The following PARL variants were observed in gnomAD, a reference collection of about 807,000 sequenced individuals.
PARL encodes presenilin-associated rhomboid-like protein, mitochondrial.
In PARL, 44 loss-of-function variants were observed where a neutral mutation model predicts 51.6. The ratio of observed to expected loss-of-function variants is 0.85; its 90% CI spans 0.67 to 1.10. The LOEUF (loss-of-function observed/expected upper bound fraction) is 1.10. PARL is among the 50% of genes least tolerant of loss of function. PARL has a pLI of 0.00. For missense variants in PARL, 441 were observed against 469.5 expected (o/e 0.94, Z 0.56); for synonymous variants, 172 against 164.0 (o/e 1.05, Z -0.37).
intron 3 of PARL, among the ~76,000 whole-genome samples, chr3:183,864,514 T>C (rs554294669): frequency 2.0e-5 from 3 of 152,212 alleles, no homozygotes; most frequent in Non-Finnish European, 2.9e-5. Flanking sequence ...CGGTGGCTCA[T>C]GCCTGTAATC....
chr3:183,836,035 T>C (rs906081462), intron 7 of PARL, among the ~76,000 whole-genome samples: 4 of 151,102 alleles, frequency 2.6e-5, no homozygotes, highest in Non-Finnish European at 4.4e-5. Flanking sequence ...CTGACCAACA[T>C]GAAGAAACCC....
At chr3:183,858,088 A>G (rs919173279) in intron 4 of PARL, among the ~76,000 whole-genome samples, 1 of 152,202 alleles carries the variant, frequency 6.6e-6, no homozygotes, top group African/African-American at 2.4e-5. Context: ...ATAGCATGAT[A>G]CTTGAAGTGT....
At chr3:183,865,566 C>T (rs529293495) in intron 3 of PARL, among the ~76,000 whole-genome samples, 1 of 152,192 alleles carries the variant, frequency 6.6e-6, no homozygotes, top group African/African-American at 2.4e-5. Context: ...CTGTGAGATG[C>T]ACATGTGAGG....
At chr3:183,879,646 T>C (rs79156051) in intron 1 of PARL, 6,546 of 564,692 alleles carry the variant, frequency 0.012, 339 homozygotes, top group African/African-American at 0.11. Flanking sequence ...AGGATGCTTT[T>C]AGATGTAGTA....
chr3:183,855,114 C>T (rs949253422), intron 4 of PARL, among the ~76,000 whole-genome samples: 1 of 151,660 alleles, frequency 6.6e-6, no homozygotes, highest in East Asian at 1.9e-4. Context: ...CTAGAGAAAG[C>T]AGGTTGATGG....
intron 5 of PARL, 47 bp from the exon 6 acceptor site, chr3:183,842,494 A>T (rs1235619240): frequency 6.3e-7 from 1 of 1,582,694 alleles, no homozygotes; most frequent in Admixed American, 1.7e-5. Flanking sequence ...ACACACAGCC[A>T]ATAAAAATTA....
chr3:183,865,311 G>GA (rs937638333), intron 3 of PARL, among the ~76,000 whole-genome samples: 12 of 150,978 alleles, frequency 7.9e-5, no homozygotes, highest in Non-Finnish European at 1.6e-4. Context: ...CTGTCTCTTA[G>GA]AAAAAAAAAT....
At chr3:183,832,667 G>T (rs192297917) in intron 9 of PARL, among the ~76,000 whole-genome samples, 3 of 152,300 alleles carry the variant, frequency 2.0e-5, no homozygotes, top group Non-Finnish European at 4.4e-5. Context: ...GGTCTCCCAC[G>T]ATCAGATGGA....
rs770161690 is a variant in PARL at position 183,868,043 on chromosome 3, T to A, written c.143A>T (p.Gln48Leu). The change falls in exon 2 of 10, where the codon CAA (glutamine) becomes CTA (leucine). Residue 48 changes from glutamine (Q) to leucine (L), a missense_variant. By Grantham distance (113) the Gln-to-Leu change is moderately radical. Transcript: ENST00000317096. The stretch of plus-strand genomic sequence containing the variant: ...TGCTTTTCTGAATCCGCATTTTTGT[T>A]GAATAAAGAAGTTAAACCTATGGGG... Reference protein sequence around the residue: ...LLGRRFNFFIQQKCGFRKAPR... With the variant: ...LLGRRFNFFILQKCGFRKAPR... 10 of 1,613,944 alleles carry A rather than the reference T, an allele frequency of 6.2e-6. No individual in the cohort carries two copies. The highest frequency in any genetic ancestry group is 8.5e-6 in the Non-Finnish European group (10 of 1,179,944).
chr3:183,857,957 C>A (rs1192131621), intron 4 of PARL, among the ~76,000 whole-genome samples: 1 of 152,148 alleles, frequency 6.6e-6, no homozygotes, highest in Non-Finnish European at 1.5e-5. Flanking sequence ...ATTTGATTCC[C>A]GAATCCACCC....
chr3:183,868,396 T>C (rs1357887094), intron 1 of PARL, among the ~76,000 whole-genome samples: 1 of 152,174 alleles, frequency 6.6e-6, no homozygotes, highest in Non-Finnish European at 1.5e-5. Context: ...CGTTTCTTTT[T>C]TTTTTTTTGA....
chr3:183,866,655 T>A lies in PARL; in HGVS notation c.432A>T (p.Arg144Ser). ...GIKADWLDSI[R>S]PQKEGDFRKE... is the part of the protein sequence containing the mutation. ...TTCTGAAGTCTCCTTCTTTTTGTGG[T>A]CTTATGCTATCCAACCAATCAGCTT... The change falls in exon 3 of 10, where the codon AGA becomes AGT. Residue 144 changes from arginine (R) to serine (S), a missense_variant. Coordinates refer to ENST00000317096, the MANE Select transcript of PARL (RefSeq NM_018622.7). The A allele has an allele frequency of 6.2e-7, 1 of 1,611,904 alleles. No individual in the cohort carries two copies. The highest frequency in any genetic ancestry group is 8.5e-7 in the Non-Finnish European group (1 of 1,179,442).
At chr3:183,866,503 C>T in intron 3 of PARL, 122 bp downstream of exon 3, 4 of 811,404 alleles carry the variant, frequency 4.9e-6, no homozygotes, top group Non-Finnish European at 8.5e-6. Context: ...TTCAGTTCCT[C>T]AGATTTCATT....
At chr3:183,828,913 C>T (rs531077022), downstream of PARL, among the ~76,000 whole-genome samples, 5 of 152,270 alleles carry the variant, frequency 3.3e-5, no homozygotes, top group East Asian at 1.9e-4. Flanking sequence ...GCTGTGACGA[C>T]GACAGCCACT....
At chr3:183,858,938 A>G (rs1284124599) in intron 4 of PARL, among the ~76,000 whole-genome samples, 1 of 152,194 alleles carries the variant, frequency 6.6e-6, no homozygotes, top group Admixed American at 6.5e-5. Context: ...AAACCAAAAA[A>G]AAAGGATTAA....
chr3:183,849,237 C>T (rs540686581), intron 4 of PARL, among the ~76,000 whole-genome samples: 2 of 152,304 alleles, frequency 1.3e-5, no homozygotes, highest in African/African-American at 4.8e-5. Flanking sequence ...AATATACATT[C>T]TTCTCAAGTG....
intron 9 of PARL, 67 bp from the exon 10 acceptor site, chr3:183,829,776 A>T: frequency 8.0e-7 from 1 of 1,256,054 alleles, no homozygotes; most frequent in Non-Finnish European, 1.2e-6. Context: ...TAGCATGGTG[A>T]CAGATCCCAA....
At chr3:183,873,465 G>C (rs989804525) in intron 1 of PARL, among the ~76,000 whole-genome samples, 1 of 152,062 alleles carries the variant, frequency 6.6e-6, no homozygotes, top group Non-Finnish European at 1.5e-5. Flanking sequence ...CTAGAACCCA[G>C]GAGGCAGAGG....
intron 9 of PARL, among the ~76,000 whole-genome samples, chr3:183,831,003 G>C (rs1727871058): frequency 6.6e-6 from 1 of 152,164 alleles, no homozygotes; most frequent in South Asian, 2.1e-4. Flanking sequence ...GTTAGACAGA[G>C]TCGCGCTCTG....
Sources: gnomAD v4.1 joint callset for allele counts (sites outside exome capture counted in the v4.1 genomes callset) on GRCh38, gnomAD v4.1.1 for gene constraint, MANE v1.5 for transcripts, NCBI Gene and HGNC (gene_info 2026-07-23, HGNC 2026-07-21) for gene names.